The following SLC5A2 variants were observed in gnomAD, a reference collection of about 807,000 sequenced individuals.
The protein encoded by SLC5A2 is solute carrier family 5 member 2, also known as sodium/glucose cotransporter 2.
In SLC5A2, 67 loss-of-function variants were observed where a neutral mutation model predicts 69.0. That is an observed-to-expected ratio of 0.97 (90% CI 0.80 to 1.19). SLC5A2 has a LOEUF of 1.19. SLC5A2 is among the 50% of genes most tolerant of loss of function. SLC5A2 has a pLI of 0.00. For missense variants in SLC5A2, 1,001 were observed against 921.5 expected (o/e 1.09, Z -1.12); for synonymous variants, 455 against 395.8 (o/e 1.15, Z -1.78).
intron 3 of SLC5A2, chr16:31,485,188 C>G: frequency 1.7e-6 from 1 of 587,418 alleles, no homozygotes; most frequent in Non-Finnish European, 3.1e-6. Context: ...TTATTCCTCT[C>G]TGAGTGGGGT....
intron 4 of SLC5A2, 77 bp downstream of exon 4, chr16:31,485,970 C>A (rs542368061): frequency 3.3e-6 from 5 of 1,532,002 alleles, no homozygotes; most frequent in Non-Finnish European, 4.5e-6. Context: ...CCCTAGAGGG[C>A]GTGAGACCTA....
chr16:31,484,567 G>C (rs1487183578), intron 1 of SLC5A2, 106 bp from the exon 2 acceptor site: 11 of 1,278,960 alleles, frequency 8.6e-6, no homozygotes, highest in Middle Eastern at 2.6e-4. Context: ...GGGAAACTTG[G>C]CTCGTTAATC....
At chr16:31,487,946 C>G in intron 7 of SLC5A2, 92 bp from the exon 8 acceptor site, 2 of 1,571,664 alleles carry the variant, frequency 1.3e-6, no homozygotes, top group Non-Finnish European at 1.7e-6. Context: ...TTGGGGCACT[C>G]ACGAGCCAGA....
Position 31,488,025 on chromosome 16 carries a change from G to A in SLC5A2, c.886-13G>A. 1.2e-6 allele frequency: 2 copies of A among 1,612,224 alleles called. No homozygotes were observed. The highest frequency in any genetic ancestry group is 8.5e-7 in the Non-Finnish European group (1 of 1,179,684). ...GAGGCCCGCAAGCGGGCAGCTGAAC[G>A]CCCCTCCCGTAGGTCATCGTGCAGC... On this transcript the variant is annotated splice_polypyrimidine_tract_variant and intron_variant, in intron 7 of 13. Transcript: ENST00000330498.
intron 7 of SLC5A2, 34 bp from the exon 8 acceptor site, chr16:31,488,004 C>A: frequency 6.2e-7 from 1 of 1,608,370 alleles, no homozygotes; most frequent in Non-Finnish European, 8.5e-7. Flanking sequence ...CGAGGGGAGG[C>A]CCGCAAGCGG....
intron 12 of SLC5A2, 45 bp from the exon 13 acceptor site, chr16:31,490,059 G>C: frequency 6.2e-7 from 1 of 1,611,344 alleles, no homozygotes; most frequent in Non-Finnish European, 8.5e-7. Context: ...GGCCAGGCAT[G>C]GGGGGACAGA....
At chr16:31,483,470 G>GC in intron 1 of SLC5A2, among the ~76,000 whole-genome samples, 1 of 152,208 alleles carries the variant, frequency 6.6e-6, no homozygotes, top group Non-Finnish European at 1.5e-5. Flanking sequence ...GCTAGCTGAA[G>GC]GGGTCCGCGG....
rs184367787 is a variant in SLC5A2, at chr16:31,490,583, G to A, written c.*48G>A. 2.9e-4 allele frequency: 431 copies of A among 1,483,728 alleles called. 2 individuals are homozygous for A. In the African/African-American group the frequency reaches 5.4e-3, roughly 19 times the overall value. 91.9% of individuals were successfully genotyped at this position (1,483,728 alleles called of 1,614,324 possible). On this transcript the variant is annotated 3_prime_UTR_variant, in exon 14 of 14. Transcript: ENST00000330498. ...AAGCCACAGCCTCACAGGAAGTGGGGGTGAGGAGCCTGCGGTGCTCCCCAG... is the reference window on the plus strand; with the variant it reads ...AAGCCACAGCCTCACAGGAAGTGGGAGTGAGGAGCCTGCGGTGCTCCCCAG...
In SLC5A2 at chr16:31,488,126, T is replaced by C. The variant is rs754201900; in HGVS notation, c.974T>C (p.Met325Thr). ...ILCGYLKLTP[M>T]FLMVMPGMIS... is the part of the protein sequence containing the mutation. ...TGTGGGTACCTGAAGCTGACGCCCATGTTTCTCATGGTCATGCCAGGCATG... is the reference window on the plus strand; with the variant it reads ...TGTGGGTACCTGAAGCTGACGCCCACGTTTCTCATGGTCATGCCAGGCATG... Residue 325 changes from methionine to threonine, a missense_variant, in exon 8 of 14, where the codon ATG becomes ACG. Transcript: ENST00000330498. The C allele has an allele frequency of 1.2e-6, 2 of 1,614,006 alleles. No homozygotes were observed. Among genetic ancestry groups the C allele is most frequent in the South Asian group, 1.1e-5 (1 of 91,086 alleles).
chr16:31,488,498 C>T lies in SLC5A2; in HGVS notation c.1129+8C>T. On this transcript the variant is annotated splice_region_variant and intron_variant, in intron 9 of 13. Coordinates refer to ENST00000330498, the MANE Select transcript of SLC5A2 (RefSeq NM_003041.4). The stretch of plus-strand genomic sequence containing the variant: ...TGAAGCTCATGCCCAACGGTAAGGG[C>T]AGCCCCGGGCCACAGGCGCAAGCTC... The T allele has an allele frequency of 1.9e-6, 3 of 1,604,996 alleles. No individual in the cohort carries two copies. Among genetic ancestry groups the T allele is most frequent in the Middle Eastern group, 1.7e-4 (1 of 5,956 alleles).
rs3813007 is a variant in SLC5A2, at chr16:31,486,487, A to T, written c.574+212A>T. ...TGACTGGAAGTTCAGAGAGAAAGCCATGCTGGGCTTGAGTGAGGACTTTGA... is the reference window on the plus strand; with the variant it reads ...TGACTGGAAGTTCAGAGAGAAAGCCTTGCTGGGCTTGAGTGAGGACTTTGA... On this transcript the variant is annotated intron_variant, in intron 5 of 13. Transcript: ENST00000330498. Among the ~76,000 whole-genome samples the T allele has an allele frequency of 0.032, 4,938 of 152,216 alleles. 467 individuals carry two copies. The East Asian group carries it at 0.38, about 12-fold the overall frequency.
At chr16:31,487,840 C>T in intron 7 of SLC5A2, 81 bp downstream of exon 7, 1 of 1,467,824 alleles carries the variant, frequency 6.8e-7, no homozygotes, top group Non-Finnish European at 9.2e-7. Flanking sequence ...CCGCCTTCCC[C>T]ACAACGGTCT....
chr16:31,486,227 G>A lies in SLC5A2; in HGVS notation c.526G>A (p.Ala176Thr), dbSNP rs1487688402. The change falls in exon 5 of 14, where the codon GCC becomes ACC. Residue 176 changes from alanine to threonine, a missense_variant. Coordinates refer to ENST00000330498, the MANE Select transcript of SLC5A2 (RefSeq NM_003041.4). ...IQQALGWNIY[A>T]SVIALLGITM... ...GCAGGCTCTGGGCTGGAACATCTAT[G>A]CCTCCGTCATCGCGCTTCTGGGCAT... 6.2e-7 allele frequency: 1 copy of A among 1,614,066 alleles called. No homozygotes were observed. The highest frequency in any genetic ancestry group is 1.7e-5 in the Admixed American group (1 of 60,020).
chr16:31,485,444 T>C lies in SLC5A2; in HGVS notation c.304-285T>C. The C allele has an allele frequency of 2.1e-5, 11 of 535,174 alleles. No individual in the cohort carries two copies. The South Asian group carries it at 2.3e-4, about 11-fold the overall frequency. 33.2% of individuals were successfully genotyped at this position (535,174 alleles called of 1,614,324 possible). ...CTTTGGCTCAGGTCAGTCTGAGGGG[T>C]CTATGCTGGGGTTCATATCTAGATG... On this transcript the variant is annotated intron_variant, in intron 3 of 13. Coordinates refer to ENST00000330498, the MANE Select transcript of SLC5A2 (RefSeq NM_003041.4).
chr16:31,489,926 T>A, intron 12 of SLC5A2, 178 bp from the exon 13 acceptor site: 2 of 788,460 alleles, frequency 2.5e-6, no homozygotes, highest in South Asian at 3.2e-5. Flanking sequence ...TTGGGGTTTA[T>A]CCCGAGGGCA....
Position 31,483,184 on chromosome 16 carries a change from G to A in SLC5A2, c.48G>A (p.Gln16=). The A allele has an allele frequency of 6.2e-7, 1 of 1,613,958 alleles. No individual in the cohort carries two copies. Residue 16 remains glutamine (Q), a synonymous_variant, in exon 1 of 14, where the codon CAG becomes CAA. Transcript: ENST00000330498. ...EAGSAPEMGA[Q]KALIDNPADI... is the part of the protein sequence containing the mutation. Reference sequence around the variant, plus strand: ...GCTCGGCACCAGAGATGGGGGCCCAGAAGGCCCTGATTGACAATCCTGCTG... The same window carrying A: ...GCTCGGCACCAGAGATGGGGGCCCAAAAGGCCCTGATTGACAATCCTGCTG...
Position 31,487,679 on chromosome 16 carries a change from C to T in SLC5A2, c.805C>T (p.Pro269Ser). 4 of 1,613,690 alleles carry T rather than the reference C, an allele frequency of 2.5e-6. No homozygotes were observed. In the South Asian group the frequency reaches 4.4e-5, roughly 18 times the overall value. ...RPDSYHLLRH[P>S]VTGDLPWPAL... The stretch of plus-strand genomic sequence containing the variant: ...CGACTCCTACCACCTGCTCCGGCAC[C>T]CCGTGACCGGGGATCTGCCGTGGCC... The change falls in exon 7 of 14, where the codon CCC becomes TCC. Residue 269 changes from proline to serine, a missense_variant. Transcript: ENST00000330498.
In SLC5A2 at chr16:31,487,776, G is replaced by T; in HGVS notation, c.885+17G>T. Reference sequence around the variant, plus strand: ...AGCGACCAGGTGCGGGTATAGGGCTGCGCCTGCAGTGAGGCCGGGGCGGAG... The same window carrying T: ...AGCGACCAGGTGCGGGTATAGGGCTTCGCCTGCAGTGAGGCCGGGGCGGAG... On this transcript the variant is annotated intron_variant, in intron 7 of 13. Coordinates refer to ENST00000330498, the MANE Select transcript of SLC5A2 (RefSeq NM_003041.4). The T allele has an allele frequency of 6.3e-7, 1 of 1,596,490 alleles. No individual in the cohort carries two copies.
chr16:31,488,744 G>A lies in SLC5A2; in HGVS notation c.1252G>A (p.Gly418Ser), dbSNP rs537966489. ...CTACACGCGCCTGCGGCCACGCGCC[G>A]GCGACCGCGAGCTGCTGCTGGTGGG... ...DIYTRLRPRA[G>S]DRELLLVGRL... The change falls in exon 10 of 14, where the codon GGC (glycine) becomes AGC (serine). Residue 418 changes from glycine (G) to serine (S), a missense_variant. By Grantham distance (56) the Gly-to-Ser change is moderately conservative. Coordinates refer to ENST00000330498, the MANE Select transcript of SLC5A2 (RefSeq NM_003041.4). 1.9e-6 allele frequency: 3 copies of A among 1,606,602 alleles called. No individual in the cohort carries two copies. The highest frequency in any genetic ancestry group is 1.3e-5 in the African/African-American group (1 of 74,934).
Sources: allele counts gnomAD v4.1 joint callset (sites outside exome capture counted in the v4.1 genomes callset), GRCh38; gene constraint gnomAD v4.1.1; transcripts MANE v1.5; gene names NCBI Gene and HGNC (gene_info 2026-07-23, HGNC 2026-07-21).